Variants in DMBX1 observed in about 807,000 individuals in gnomAD.
DMBX1 encodes the protein diencephalon/mesencephalon homeobox protein 1.
A neutral mutation model predicts 30.4 loss-of-function variants in DMBX1; 7 were observed. That is an observed-to-expected ratio of 0.23 (90% confidence interval 0.13 to 0.43). DMBX1 has a LOEUF of 0.43. Among genes scored for constraint, DMBX1 ranks in the 20% least tolerant of loss-of-function variants. DMBX1 has a pLI of 1.00. For synonymous variants in DMBX1, 222 were observed against 214.2 expected (o/e 1.04, Z -0.32); for missense variants, 460 against 508.5 (o/e 0.90, Z 0.92).
chr1:46,496,008 A>G (rs1666018107), intron 2 of DMBX1, among the ~76,000 whole-genome samples: 1 of 152,178 alleles, frequency 6.6e-6, no homozygotes, highest in Non-Finnish European at 1.5e-5. Flanking sequence ...ATTTGTTTCA[A>G]ATGAGGCCTG....
rs1666382240 is a variant in DMBX1, at chr1:46,512,002, C to T, written c.683-41C>T. ...TGCACCTCTCCTGGCAGACCAATGCCCTTGTCCTGAGGGCTTTGTTCTTGG... is the reference window on the plus strand; with the variant it reads ...TGCACCTCTCCTGGCAGACCAATGCTCTTGTCCTGAGGGCTTTGTTCTTGG... On this transcript the variant is annotated intron_variant, in intron 5 of 5. Transcript: ENST00000360032. The surrounding 1 kb of genome is among the most constrained non-coding windows in gnomAD (Gnocchi z 4.8). 1 of 1,578,152 alleles carries T rather than the reference C, an allele frequency of 6.3e-7. No homozygotes were observed.
intron 5 of DMBX1, 87 bp downstream of exon 5, chr1:46,511,370 C>T (rs1666368005): frequency 7.5e-7 from 1 of 1,342,162 alleles, no homozygotes; most frequent in African/African-American, 1.5e-5. Context: ...TCAACTGCCC[C>T]TCAGGGGCAT....
In DMBX1 at chr1:46,514,774, G is replaced by C. The variant is rs2148494104; in HGVS notation, c.*2280G>C. Among the ~76,000 whole-genome samples, 1 of 152,242 alleles carries C rather than the reference G, an allele frequency of 6.6e-6. No individual in the cohort carries two copies. ...CCAGTGGGAAGAGAGAGGTTCTGTT[G>C]GTGTCCTGGTTGAATTGCTTTGCAG... On this transcript the variant is annotated 3_prime_UTR_variant, in exon 6 of 6. Coordinates refer to ENST00000360032, the MANE Select transcript of DMBX1 (RefSeq NM_172225.2).
intron 2 of DMBX1, among the ~76,000 whole-genome samples, chr1:46,502,369 T>C (rs968862584): frequency 9.3e-5 from 14 of 150,970 alleles, no homozygotes; most frequent in East Asian, 3.9e-4. Flanking sequence ...CTTTTTTTTT[T>C]CCCCTCTTTT....
At chr1:46,501,200 TCC>T (rs1666120546) in intron 2 of DMBX1, among the ~76,000 whole-genome samples, 1 of 69,974 alleles carries the variant, frequency 1.4e-5, no homozygotes, top group African/African-American at 7.1e-5. Flanking sequence ...CTCCCTTCCT[TCC>T]TTCCTTCCTT....
rs1283971471 is a variant in DMBX1, at chr1:46,516,114, G to C, written c.*3620G>C. Reference sequence around the variant, plus strand: ...CCTCGCCTGCCCCCTGTGTAGTGCTGCATGACACTCTGTGTATCTGTCCTT... The same window carrying C: ...CCTCGCCTGCCCCCTGTGTAGTGCTCCATGACACTCTGTGTATCTGTCCTT... On this transcript the variant is annotated 3_prime_UTR_variant, in exon 6 of 6. Coordinates refer to ENST00000360032, the MANE Select transcript of DMBX1 (RefSeq NM_172225.2). Among the ~76,000 whole-genome samples, 2 of 152,214 alleles carry C rather than the reference G, an allele frequency of 1.3e-5. No individual in the cohort carries two copies. The highest frequency in any genetic ancestry group is 2.9e-5 in the Non-Finnish European group (2 of 68,028).
chr1:46,509,783 C>T (rs1666316315), intron 3 of DMBX1, among the ~76,000 whole-genome samples: 1 of 152,098 alleles, frequency 6.6e-6, no homozygotes, highest in Non-Finnish European at 1.5e-5. Context: ...ACAAGCCTTA[C>T]CTGAGACGTG....
rs1408057914 is a variant in DMBX1 at position 46,501,231 on chromosome 1, TTTCTTTCTTTC to T, written c.-12-5765_-12-5755del. ...CTTCCTTCCTTTCTTTCTTTCTTTCTTTCTTTCTTTCTTTCTTTCTTTCTTTCTTTCTTTCT... is the reference window on the plus strand; with the variant it reads ...CTTCCTTCCTTTCTTTCTTTCTTTCTTTTCTTTCTTTCTTTCTTTCTTTCT... On this transcript the variant is annotated intron_variant, in intron 2 of 5. Coordinates refer to ENST00000360032, the MANE Select transcript of DMBX1 (RefSeq NM_172225.2). 3.3e-5 allele frequency among the ~76,000 whole-genome samples: 4 copies of T among 122,458 alleles called. 1 individual carries two copies. In the East Asian group the frequency reaches 7.4e-4, roughly 23 times the overall value. 80.3% of individuals were successfully genotyped at this position (122,458 alleles called of 152,430 possible).
At chr1:46,502,355 T>C (rs1666152330) in intron 2 of DMBX1, among the ~76,000 whole-genome samples, 1 of 65,552 alleles carries the variant, frequency 1.5e-5, no homozygotes, top group African/African-American at 6.8e-5. Flanking sequence ...AAACCTGAGT[T>C]ATCCTTTTTT....
rs573564745 is a variant in DMBX1 at position 46,493,964 on chromosome 1, C to G, written c.-13+3181C>G. 6.6e-6 allele frequency among the ~76,000 whole-genome samples: 1 copy of G among 152,372 alleles called. No homozygotes were observed. Among genetic ancestry groups the G allele is most frequent in the South Asian group, 2.1e-4 (1 of 4,828 alleles). On this transcript the variant is annotated intron_variant, in intron 2 of 5. Transcript: ENST00000360032. The surrounding 1 kb of genome is among the most constrained non-coding windows in gnomAD (Gnocchi z 4.1). Reference sequence around the variant, plus strand: ...CAAAAGTGGACCAGGTCATCCCTGACAGACTTTGGGCCAAGGCTAACTGAG... The same window carrying G: ...CAAAAGTGGACCAGGTCATCCCTGAGAGACTTTGGGCCAAGGCTAACTGAG...
At chr1:46,501,546 G>A (rs191194132) in intron 2 of DMBX1, among the ~76,000 whole-genome samples, 398 of 152,214 alleles carry the variant, frequency 2.6e-3, no homozygotes, top group African/African-American at 9.0e-3. Context: ...GATTACAAGC[G>A]TGAGCCACCC....
At position 46,493,013 on chromosome 1, in the gene DMBX1, C is replaced by T. The variant is rs952170653; in HGVS notation, c.-13+2230C>T. Among the ~76,000 whole-genome samples, 2 of 152,056 alleles carry T rather than the reference C, an allele frequency of 1.3e-5. No homozygotes were observed. Among genetic ancestry groups the T allele is most frequent in the Admixed American group, 6.6e-5 (1 of 15,262 alleles). ...TATTCCCGCCACTCTCTCCAGGCCTCGAAGTTACTCCTCCTCCTCCGGCCA... is the reference window on the plus strand; with the variant it reads ...TATTCCCGCCACTCTCTCCAGGCCTTGAAGTTACTCCTCCTCCTCCGGCCA... On this transcript the variant is annotated intron_variant, in intron 2 of 5. Coordinates refer to ENST00000360032, the MANE Select transcript of DMBX1 (RefSeq NM_172225.2). The surrounding 1 kb of genome is among the most constrained non-coding windows in gnomAD (Gnocchi z 4.1).
At position 46,507,844 on chromosome 1, in the gene DMBX1, A is replaced by G. The variant is rs369277846; in HGVS notation, c.154+680A>G. Among the ~76,000 whole-genome samples the G allele has an allele frequency of 7.9e-4, 121 of 152,272 alleles. 1 individual carries two copies. In the East Asian group the frequency reaches 8.3e-3, roughly 10 times the overall value. The stretch of plus-strand genomic sequence containing the variant: ...TTTCTCCTTTTATAAAAAGGAGACA[A>G]TGGCCATGCCCATCCCCTAGGGTGG... On this transcript the variant is annotated intron_variant, in intron 3 of 5. Transcript: ENST00000360032.
chr1:46,500,803 G>A (rs1026543186), intron 2 of DMBX1, among the ~76,000 whole-genome samples: 15 of 151,930 alleles, frequency 9.9e-5, no homozygotes, highest in Admixed American at 6.6e-5. Flanking sequence ...TTTAAATTGC[G>A]GTGCTGTAGT....
intron 2 of DMBX1, among the ~76,000 whole-genome samples, chr1:46,498,985 C>T (rs1384235773): frequency 6.6e-6 from 1 of 152,014 alleles, no homozygotes; most frequent in Non-Finnish European, 1.5e-5. Flanking sequence ...AGCACACATA[C>T]ATGCACACAG....
At chr1:46,501,272 C>CTTTCTTTCTTTCTT (rs1557786162) in intron 2 of DMBX1, among the ~76,000 whole-genome samples, 9 of 83,952 alleles carry the variant, frequency 1.1e-4, no homozygotes, top group East Asian at 6.5e-4. Context: ...CTTTCTTTCT[C>CTTTCTTTCTTTCTT]TTCTTTCTTT....
rs780907602 is a variant in DMBX1 at position 46,501,192 on chromosome 1, C to CCCTCCCTTCCTTCCTTCCTTCCTT, written c.-12-5804_-12-5803insCCCTTCCTTCCTTCCTTCCTTCCT. Among the ~76,000 whole-genome samples, 458 of 67,606 alleles carry CCCTCCCTTCCTTCCTTCCTTCCTT rather than the reference C, an allele frequency of 6.8e-3. 25 individuals are homozygous for CCCTCCCTTCCTTCCTTCCTTCCTT. The highest frequency in any genetic ancestry group is 8.4e-3 in the Non-Finnish European group (300 of 35,590). The allele number at this position is 67,606 out of a possible 152,430, so 44.4% of individuals were successfully genotyped here. A position where few individuals can be genotyped will look rare whatever the true frequency, so the allele number is the denominator to read the frequency against. Reference sequence around the variant, plus strand: ...TCTCTTTCTTTCTGTTTCTTTCTCTCCCTTCCTTCCTTCCTTCCTTCCTTT... The same window carrying CCCTCCCTTCCTTCCTTCCTTCCTT: ...TCTCTTTCTTTCTGTTTCTTTCTCTCCCTCCCTTCCTTCCTTCCTTCCTTCCTTCCTTCCTTCCTTCCTTCCTTT... On this transcript the variant is annotated intron_variant, in intron 2 of 5. Transcript: ENST00000360032.
chr1:46,493,082 G>T lies in DMBX1; in HGVS notation c.-13+2299G>T, dbSNP rs923181471. On this transcript the variant is annotated intron_variant, in intron 2 of 5. Transcript: ENST00000360032. The surrounding 1 kb of genome is among the most constrained non-coding windows in gnomAD (Gnocchi z 4.1). Reference sequence around the variant, plus strand: ...GCCAGTCTTCACCTCCCCCACCCCTGCCTTCCCATTTCGCCCCCCACCCCA... The same window carrying T: ...GCCAGTCTTCACCTCCCCCACCCCTTCCTTCCCATTTCGCCCCCCACCCCA... Among the ~76,000 whole-genome samples the T allele has an allele frequency of 6.6e-6, 1 of 151,480 alleles. No homozygotes were observed. Among genetic ancestry groups the T allele is most frequent in the Non-Finnish European group, 1.5e-5 (1 of 67,842 alleles).
Position 46,511,162 on chromosome 1 carries a change from C to G in DMBX1, c.561C>G (p.Ala187=). The G allele has an allele frequency of 1.9e-6, 3 of 1,613,876 alleles. No individual in the cohort carries two copies. Among genetic ancestry groups the G allele is most frequent in the South Asian group, 2.2e-5 (2 of 91,082 alleles). Reference sequence around the variant, plus strand: ...CTGAGCAGTCAGCCAGTGAGTCAGCCCCCGAGGATCAGCCGGACCGTGAGG... The same window carrying G: ...CTGAGCAGTCAGCCAGTGAGTCAGCGCCCGAGGATCAGCCGGACCGTGAGG... ...SLSEQSASES[A]PEDQPDREED... is the part of the protein sequence containing the mutation. The change falls in exon 5 of 6, where the codon GCC becomes GCG. Residue 187 remains alanine, a synonymous_variant. Coordinates refer to ENST00000360032, the MANE Select transcript of DMBX1 (RefSeq NM_172225.2).
Sources: gnomAD v4.1 joint callset for allele counts (sites outside exome capture counted in the v4.1 genomes callset) on GRCh38, gnomAD v4.1.1 for gene constraint, Gnocchi (gnomAD v3.1) non-coding constraint, MANE v1.5 for transcripts, NCBI Gene and HGNC (gene_info 2026-07-23, HGNC 2026-07-21) for gene names.